SEC14L5: variants seen among roughly 807,000 people sequenced by gnomAD.
The protein encoded by SEC14L5 is SEC14 like lipid binding 5.
Under a neutral mutation model 84.6 loss-of-function variants are expected in SEC14L5, and 96 were observed. That is an observed-to-expected ratio of 1.13 (90% CI 0.96 to 1.34). The LOEUF (loss-of-function observed/expected upper bound fraction) is 1.34, where lower values mean the gene tolerates loss of function less well. SEC14L5 is among the 40% of genes most tolerant of loss of function. SEC14L5 has a pLI of 0.00. For missense variants in SEC14L5, 1,224 were observed against 942.5 expected, an observed-to-expected ratio of 1.30 and a Z score of -3.91; for synonymous variants, 546 against 383.4, an observed-to-expected ratio of 1.42 and a Z score of -4.95.
chr16:5,000,596 C>T, intron 8 of SEC14L5, 59 bp from the exon 9 acceptor site: 4 of 1,332,976 alleles, frequency 3.0e-6, no homozygotes, highest in Non-Finnish European at 4.2e-6. Context: ...GTGACCTGCC[C>T]CTCGGAAGCA....
Position 5,017,951 on chromosome 16 carries a change from A to AC in SEC14L5, c.*2983dup, listed in dbSNP as rs1196257341. ...ATCATTAGTTCATTAATCCATTGTG[A>AC]CCAGGACAGAAGCAACCCACAAGCA... On this transcript the variant is annotated 3_prime_UTR_variant, in exon 16 of 16. Transcript: ENST00000251170. The AC allele has an allele frequency of 1.3e-5, 2 of 152,208 alleles. No homozygotes were observed. The highest frequency in any genetic ancestry group is 2.9e-5 in the Non-Finnish European group (2 of 68,050). The allele number at this position is 152,208 out of a possible 1,614,324, so 9.4% of individuals were successfully genotyped here. A position where few individuals can be genotyped will look rare whatever the true frequency, so the allele number is the denominator to read the frequency against.
In SEC14L5 at chr16:5,017,822, G is replaced by C. The variant is rs1166169733; in HGVS notation, c.*2852G>C. The stretch of plus-strand genomic sequence containing the variant: ...AAGGTCATTCTTCTTGCCTTCGGGA[G>C]GACTGGAATTAAAAATAATCCAAGG... On this transcript the variant is annotated 3_prime_UTR_variant, in exon 16 of 16. Coordinates refer to ENST00000251170, the MANE Select transcript of SEC14L5 (RefSeq NM_014692.2). 6.6e-6 allele frequency: 1 copy of C among 152,180 alleles called. No individual in the cohort carries two copies. The highest frequency in any genetic ancestry group is 2.4e-5 in the African/African-American group (1 of 41,432). The allele number at this position is 152,180 out of a possible 1,614,324, so 9.4% of individuals were successfully genotyped here.
intron 10 of SEC14L5, 132 bp from the exon 11 acceptor site, chr16:5,003,270 T>C: frequency 1.5e-6 from 1 of 676,602 alleles, no homozygotes; most frequent in Non-Finnish European, 2.5e-6. Context: ...ATGGGCTCCC[T>C]ACTGTGGCAG....
At chr16:4,989,927 C>T (rs993025147) in intron 4 of SEC14L5, among the ~76,000 whole-genome samples, 7 of 152,052 alleles carry the variant, frequency 4.6e-5, no homozygotes, top group Admixed American at 4.6e-4. Flanking sequence ...TGCCCACAGA[C>T]GTTTGAGGAG....
intron 8 of SEC14L5, among the ~76,000 whole-genome samples, chr16:4,998,972 T>C (rs1955646315): frequency 6.6e-6 from 1 of 152,196 alleles, no homozygotes; most frequent in South Asian, 2.1e-4. Context: ...TGGCGAAGTA[T>C]TGGAGTCGCC....
chr16:4,975,995 T>G (rs1238487444), intron 2 of SEC14L5, among the ~76,000 whole-genome samples: 1 of 152,120 alleles, frequency 6.6e-6, no homozygotes, highest in Non-Finnish European at 1.5e-5. Flanking sequence ...TGAATTTGGA[T>G]GAGGAAGAAC....
intron 4 of SEC14L5, among the ~76,000 whole-genome samples, chr16:4,989,333 T>G (rs1265666967): frequency 2.3e-4 from 35 of 150,584 alleles, no homozygotes; most frequent in South Asian, 4.2e-4. Flanking sequence ...TTTTGTTTTT[T>G]TTTTTGTTTG....
intron 8 of SEC14L5, among the ~76,000 whole-genome samples, chr16:4,998,887 A>G (rs995941438): frequency 6.6e-6 from 1 of 152,018 alleles, no homozygotes; most frequent in Non-Finnish European, 1.5e-5. Context: ...AACTCCCCTT[A>G]TTGCTGAAAT....
intron 2 of SEC14L5, among the ~76,000 whole-genome samples, chr16:4,961,624 C>T (rs577196099): frequency 5.9e-5 from 9 of 152,296 alleles, no homozygotes; most frequent in South Asian, 2.1e-4. Flanking sequence ...TCACTGCATC[C>T]GGCCCCTATT....
At chr16:4,965,361 C>A (rs939383528) in intron 2 of SEC14L5, among the ~76,000 whole-genome samples, 1 of 151,914 alleles carries the variant, frequency 6.6e-6, no homozygotes, top group Non-Finnish European at 1.5e-5. Flanking sequence ...ATATTCTTTC[C>A]AAATAAATCT....
At chr16:4,984,969 G>A (rs902589052) in intron 2 of SEC14L5, among the ~76,000 whole-genome samples, 2 of 152,094 alleles carry the variant, frequency 1.3e-5, no homozygotes, top group Non-Finnish European at 2.9e-5. Flanking sequence ...GTACACATAT[G>A]TATGTATGTA....
Position 5,018,198 on chromosome 16 carries a change from CAGAA to C in SEC14L5, c.*3231_*3234del, listed in dbSNP as rs1567134013. On this transcript the variant is annotated 3_prime_UTR_variant, in exon 16 of 16. Coordinates refer to ENST00000251170, the MANE Select transcript of SEC14L5 (RefSeq NM_014692.2). ...AGCTTTCAGCACAGCTCCCAGAACA[CAGAA>C]AGCGCTCCATTAATGTCAGTGGTCA... The C allele has an allele frequency of 6.6e-6, 1 of 152,240 alleles. No individual in the cohort carries two copies. Among genetic ancestry groups the C allele is most frequent in the Admixed American group, 6.5e-5 (1 of 15,282 alleles). 9.4% of individuals were successfully genotyped at this position (152,240 alleles called of 1,614,324 possible).
In SEC14L5 at chr16:4,968,214, T is replaced by C. The variant is rs1265111857; in HGVS notation, c.63+8828T>C. ...TTTTTTTTGAGACGAAGTTTCGCTC[T>C]TGTTGCCCAGGCTGGAGTGCAGTGG... On this transcript the variant is annotated intron_variant, in intron 2 of 15. Transcript: ENST00000251170. 3.3e-5 allele frequency among the ~76,000 whole-genome samples: 5 copies of C among 150,334 alleles called. No homozygotes were observed. The East Asian group carries it at 8.0e-4, about 24-fold the overall frequency.
intron 3 of SEC14L5, among the ~76,000 whole-genome samples, 181 bp from the exon 4 acceptor site, chr16:4,987,968 G>C (rs866475201): frequency 5.9e-5 from 9 of 152,200 alleles, no homozygotes; most frequent in Middle Eastern, 3.4e-3. Context: ...GGTGAAGATG[G>C]GTTGGCGGCA....
At chr16:5,006,785 G>A (rs1429429991) in intron 12 of SEC14L5, among the ~76,000 whole-genome samples, 1 of 152,152 alleles carries the variant, frequency 6.6e-6, no homozygotes, top group African/African-American at 2.4e-5. Context: ...AGTGGCTTAT[G>A]GAAAGACACT....
At chr16:5,010,677 A>C (rs1044727625) in intron 14 of SEC14L5, among the ~76,000 whole-genome samples, 3 of 152,066 alleles carry the variant, frequency 2.0e-5, no homozygotes, top group African/African-American at 4.8e-5. Flanking sequence ...GTAAAAACAA[A>C]CACTTCCCTT....
rs920613461 is a variant in SEC14L5 at position 5,008,353 on chromosome 16, C to T, written c.1573-68C>T. 4.4e-4 allele frequency: 514 copies of T among 1,171,356 alleles called. 6 individuals are homozygous for T. The highest frequency in any genetic ancestry group is 1.0e-4 in the Admixed American group (5 of 49,736). The allele number at this position is 1,171,356 out of a possible 1,614,324, so 72.6% of individuals were successfully genotyped here. On this transcript the variant is annotated intron_variant, in intron 13 of 15. Transcript: ENST00000251170. ...AGGGGGCACCCACAGCCCCTCCTGCCACTGTGTTCCCCACCCCAGCTCTAC... is the reference window on the plus strand; with the variant it reads ...AGGGGGCACCCACAGCCCCTCCTGCTACTGTGTTCCCCACCCCAGCTCTAC...
chr16:4,964,596 A>T (rs982303158), intron 2 of SEC14L5, among the ~76,000 whole-genome samples: 3 of 151,662 alleles, frequency 2.0e-5, no homozygotes, highest in Non-Finnish European at 2.9e-5. Context: ...AAAAAAAAGA[A>T]CCAGACCCAC....
Position 5,008,252 on chromosome 16 carries a change from C to T in SEC14L5, c.1573-169C>T, listed in dbSNP as rs1011557904. Among the ~76,000 whole-genome samples, 6 of 152,102 alleles carry T rather than the reference C, an allele frequency of 3.9e-5. No homozygotes were observed. The East Asian group carries it at 9.7e-4, about 25-fold the overall frequency. ...TCTTATGCCAGTGATCTGTTGCAGG[C>T]GAGGTCTCAGGAGAAAACTGAGGAG... On this transcript the variant is annotated intron_variant, in intron 13 of 15. Coordinates refer to ENST00000251170, the MANE Select transcript of SEC14L5 (RefSeq NM_014692.2).
Sources: allele counts gnomAD v4.1 joint callset (sites outside exome capture counted in the v4.1 genomes callset), GRCh38; gene constraint gnomAD v4.1.1; transcripts MANE v1.5; gene names NCBI Gene and HGNC (gene_info 2026-07-23, HGNC 2026-07-21).